Variants in SPECC1 observed in about 807,000 individuals in gnomAD.
The protein encoded by SPECC1 is sperm antigen with calponin homology and coiled-coil domains 1, also known as cytospin-B.
In SPECC1, 62 loss-of-function variants were observed where a neutral mutation model predicts 104.1. The observed-to-expected ratio is 0.60, with a 90% CI of 0.49 to 0.74. SPECC1 has a LOEUF of 0.74. Among genes scored for constraint, SPECC1 ranks in the 30% least tolerant of loss-of-function variants. SPECC1 has a pLI of 0.00. For missense variants in SPECC1, 1,306 were observed against 1,310.5 expected (o/e 1.00, Z 0.05); for synonymous variants, 513 against 501.6 (o/e 1.02, Z -0.30).
Position 20,314,350 on chromosome 17 carries a change from C to G in SPECC1, c.*285C>G, listed in dbSNP as rs1462333183. On this transcript the variant is annotated 3_prime_UTR_variant, in exon 15 of 15. Transcript: ENST00000395527. ...CTCCTTCCAGACCAAGACCCCACAC[C>G]CAGGCTTGTTTTGCTGATTATATTG... The G allele has an allele frequency of 4.7e-6, 2 of 421,828 alleles. No homozygotes were observed. The highest frequency in any genetic ancestry group is 3.4e-5 in the Admixed American group (1 of 29,476). The allele number at this position is 421,828 out of a possible 1,614,324, so 26.1% of individuals were successfully genotyped here.
At chr17:20,200,136 T>C (rs1207137211) in intron 3 of SPECC1, among the ~76,000 whole-genome samples, 3 of 152,232 alleles carry the variant, frequency 2.0e-5, no homozygotes, top group Non-Finnish European at 4.4e-5. Flanking sequence ...TTTTTTCATA[T>C]ACAGTTTGGC....
At chr17:20,115,186 T>G (rs1423490403) in intron 3 of SPECC1, among the ~76,000 whole-genome samples, 1 of 152,144 alleles carries the variant, frequency 6.6e-6, no homozygotes, top group Non-Finnish European at 1.5e-5. Flanking sequence ...TATAAAAATT[T>G]GAGATCAGCC....
intron 4 of SPECC1, among the ~76,000 whole-genome samples, chr17:20,220,159 G>C (rs2037777000): frequency 6.6e-6 from 1 of 151,852 alleles, no homozygotes; most frequent in Admixed American, 6.6e-5. Flanking sequence ...GGCTATTCTG[G>C]GTCTTTTGTG....
At chr17:20,249,726 A>G (rs1484914150) in intron 9 of SPECC1, among the ~76,000 whole-genome samples, 1 of 152,222 alleles carries the variant, frequency 6.6e-6, no homozygotes, top group Non-Finnish European at 1.5e-5. Context: ...AGAGAGGCTT[A>G]AAGAACTGAA....
chr17:20,230,721 G>A (rs1158775389), intron 5 of SPECC1, among the ~76,000 whole-genome samples: 1 of 152,154 alleles, frequency 6.6e-6, no homozygotes, highest in Non-Finnish European at 1.5e-5. Flanking sequence ...CTTTTTAAAA[G>A]GATATTGAGG....
chr17:20,057,874 T>G (rs1271845442), intron 1 of SPECC1: 1 of 152,196 alleles, frequency 6.6e-6, no homozygotes, highest in Non-Finnish European at 1.5e-5. Context: ...AATGTTTCTT[T>G]ATATCATTTT....
In SPECC1 at chr17:20,114,499, T is replaced by TG. The variant is rs1027895328; in HGVS notation, c.283+3937_283+3938insG. Among the ~76,000 whole-genome samples the TG allele has an allele frequency of 1.6e-3, 241 of 146,892 alleles. 1 individual carries two copies. Among genetic ancestry groups the TG allele is most frequent in the African/African-American group, 6.4e-3 (235 of 36,684 alleles). On this transcript the variant is annotated intron_variant, in intron 3 of 14. Coordinates refer to ENST00000395527, the MANE Select transcript of SPECC1 (RefSeq NM_001243439.2). ...GTCATGGCGCCCAGCCTGTTTTTTT[T>TG]TTTGTTTTTTTTTTTAGTGAAATTT...
intron 7 of SPECC1, chr17:20,237,012 A>G (rs934279073): frequency 1.3e-6 from 2 of 1,557,562 alleles, no homozygotes; most frequent in Non-Finnish European, 1.7e-6. Flanking sequence ...TCTCCTTGTG[A>G]CATTCTCTGT....
At chr17:20,197,024 A>G (rs2036084094) in intron 3 of SPECC1, among the ~76,000 whole-genome samples, 2 of 152,228 alleles carry the variant, frequency 1.3e-5, no homozygotes, top group South Asian at 4.1e-4. Context: ...TTTTATATAA[A>G]CATTACACAT....
rs558679069 is a variant in SPECC1 at position 20,112,336 on chromosome 17, C to A, written c.283+1774C>A. On this transcript the variant is annotated intron_variant, in intron 3 of 14. Transcript: ENST00000395527. The stretch of plus-strand genomic sequence containing the variant: ...AATTTATTGGATATGTTAGAAGAAG[C>A]AAGATTTTTTGTATTGACTCATTGA... 44 of 756,298 alleles carry A rather than the reference C, an allele frequency of 5.8e-5. No individual in the cohort carries two copies. The African/African-American group carries it at 6.8e-4, about 12-fold the overall frequency. 46.8% of individuals were successfully genotyped at this position (756,298 alleles called of 1,614,324 possible). A position where few individuals can be genotyped will look rare whatever the true frequency, so the allele number is the denominator to read the frequency against.
At chr17:20,032,349 TA>T (rs2044849161) in intron 1 of SPECC1, among the ~76,000 whole-genome samples, 1 of 152,200 alleles carries the variant, frequency 6.6e-6, no homozygotes. Context: ...ATCATTTGAA[TA>T]TTTTTTCTTC....
intron 1 of SPECC1, among the ~76,000 whole-genome samples, chr17:20,069,557 A>C (rs965135904): frequency 1.3e-5 from 2 of 152,096 alleles, no homozygotes; most frequent in Non-Finnish European, 2.9e-5. Flanking sequence ...TTATATGTGG[A>C]TATCCAGTTA....
At position 20,260,257 on chromosome 17, in the gene SPECC1, TA is replaced by T; in HGVS notation, c.2904del (p.Leu969Ter). 6.2e-7 allele frequency: 1 copy of T among 1,614,042 alleles called. No homozygotes were observed. Among genetic ancestry groups the T allele is most frequent in the East Asian group, 2.2e-5 (1 of 44,868 alleles). On this transcript the variant is annotated frameshift_variant, in exon 12 of 15. Coordinates refer to ENST00000395527, the MANE Select transcript of SPECC1 (RefSeq NM_001243439.2). LOFTEE classifies it high-confidence loss of function. ...REYGGSKRNA[L>X]LKWCQKKTQG... is the part of the protein sequence containing the mutation. Reference sequence around the variant, plus strand: ...TACGGTGGTTCCAAGCGCAATGCTCTACTGAAATGGTGCCAGAAGAAGACAC... The same window carrying T: ...TACGGTGGTTCCAAGCGCAATGCTCTCTGAAATGGTGCCAGAAGAAGACAC...
chr17:20,242,544 C>T (rs577439092), intron 7 of SPECC1, among the ~76,000 whole-genome samples: 5 of 152,068 alleles, frequency 3.3e-5, no homozygotes, highest in Admixed American at 6.5e-5. Flanking sequence ...TATGGGTTGC[C>T]GCCTTTTAAG....
chr17:20,308,540 GA>G (rs1338284088), intron 14 of SPECC1, among the ~76,000 whole-genome samples: 1 of 152,026 alleles, frequency 6.6e-6, no homozygotes, highest in Non-Finnish European at 1.5e-5. Flanking sequence ...CAGTTTTCTA[GA>G]AAAATACAAG....
intron 3 of SPECC1, among the ~76,000 whole-genome samples, chr17:20,131,137 C>T (rs987419252): frequency 3.9e-5 from 6 of 152,048 alleles, no homozygotes; most frequent in Admixed American, 1.3e-4. Flanking sequence ...GTTTTAGATT[C>T]CTTGGGATTT....
intron 1 of SPECC1, among the ~76,000 whole-genome samples, chr17:20,047,942 A>G (rs572176207): frequency 1.3e-5 from 2 of 151,972 alleles, no homozygotes; most frequent in Non-Finnish European, 1.5e-5. Context: ...CAGCAATTCC[A>G]CTTCACTTCT....
chr17:20,209,474 T>TA (rs1281687021), intron 4 of SPECC1, among the ~76,000 whole-genome samples: 2 of 152,190 alleles, frequency 1.3e-5, no homozygotes, highest in Admixed American at 6.5e-5. Flanking sequence ...AGTACTTTTT[T>TA]AAAAATAGGA....
intron 3 of SPECC1, among the ~76,000 whole-genome samples, chr17:20,135,290 C>T (rs1450236140): frequency 6.6e-6 from 1 of 152,198 alleles, no homozygotes; most frequent in African/African-American, 2.4e-5. Context: ...CTTCCCTCTT[C>T]CCCCTCAACA....
Sources: gnomAD v4.1 joint callset for allele counts (sites outside exome capture counted in the v4.1 genomes callset) on GRCh38, gnomAD v4.1.1 for gene constraint, MANE v1.5 for transcripts, NCBI Gene and HGNC (gene_info 2026-07-23, HGNC 2026-07-21) for gene names.